FNDC3B: variants seen among roughly 807,000 people sequenced by gnomAD.
FNDC3B encodes the protein fibronectin type III domain containing 3B, also known as fibronectin type III domain-containing protein 3B.
FNDC3B carries 12 observed loss-of-function variants against 151.5 expected under a neutral mutation model. The ratio of observed to expected loss-of-function variants is 0.08; its 90% CI spans 0.05 to 0.13. The LOEUF (loss-of-function observed/expected upper bound fraction) is 0.13. FNDC3B is among the 10% of genes least tolerant of loss of function. The pLI, the probability that FNDC3B is intolerant of heterozygous loss-of-function variation, is 1.00. For missense variants in FNDC3B, 1,214 were observed against 1,505.3 expected (o/e 0.81, Z 3.20); for synonymous variants, 528 against 549.0 (o/e 0.96, Z 0.54).
At chr3:172,373,852 A>T (rs1458771992) in intron 23 of FNDC3B, among the ~76,000 whole-genome samples, 1 of 152,212 alleles carries the variant, frequency 6.6e-6, no homozygotes, top group African/African-American at 2.4e-5. Flanking sequence ...CTGGGATGAA[A>T]GAGGAATTAT....
At chr3:172,121,394 C>T (rs868036985) in intron 2 of FNDC3B, among the ~76,000 whole-genome samples, 4 of 152,202 alleles carry the variant, frequency 2.6e-5, no homozygotes, top group African/African-American at 7.2e-5. Flanking sequence ...TGTTAGGACC[C>T]GTGTGGGTTT....
At chr3:172,181,404 A>AAC (rs1553769907) in intron 3 of FNDC3B, among the ~76,000 whole-genome samples, 5 of 145,924 alleles carry the variant, frequency 3.4e-5, no homozygotes, top group Non-Finnish European at 7.6e-5. Flanking sequence ...CCAAAAAAAA[A>AAC]AAAAAAAAAA....
intron 3 of FNDC3B, among the ~76,000 whole-genome samples, chr3:172,144,474 G>A (rs1445031138): frequency 1.3e-5 from 2 of 152,214 alleles, no homozygotes; most frequent in African/African-American, 4.8e-5. Flanking sequence ...CTGAAGGAGT[G>A]CATTCGTGGT....
intron 25 of FNDC3B, among the ~76,000 whole-genome samples, chr3:172,382,044 A>G (rs1377637149): frequency 6.6e-6 from 1 of 152,214 alleles, no homozygotes; most frequent in African/African-American, 2.4e-5. Flanking sequence ...AGGAATTGCC[A>G]CACTGTCTTC....
chr3:172,078,437 C>T (rs560651877), intron 1 of FNDC3B, among the ~76,000 whole-genome samples: 3 of 152,196 alleles, frequency 2.0e-5, no homozygotes, highest in East Asian at 1.9e-4. Context: ...CTGTAAGTGG[C>T]GTCTTGTGGT....
At chr3:172,204,359 A>G (rs1725318099) in intron 3 of FNDC3B, among the ~76,000 whole-genome samples, 1 of 152,198 alleles carries the variant, frequency 6.6e-6, no homozygotes, top group African/African-American at 2.4e-5. Flanking sequence ...ATTTGTGGCC[A>G]AGTTTTCATA....
At chr3:172,099,595 T>A (rs1165509329) in intron 1 of FNDC3B, among the ~76,000 whole-genome samples, 2 of 152,170 alleles carry the variant, frequency 1.3e-5, no homozygotes, top group African/African-American at 4.8e-5. Context: ...TCTCCTGTAC[T>A]CTGCTGACAG....
At chr3:172,142,938 G>A (rs1480574620) in intron 3 of FNDC3B, among the ~76,000 whole-genome samples, 3 of 152,106 alleles carry the variant, frequency 2.0e-5, no homozygotes, top group Non-Finnish European at 4.4e-5. Context: ...GTGTCCTCAC[G>A]TGGCTGAAAG....
intron 11 of FNDC3B, among the ~76,000 whole-genome samples, chr3:172,311,559 C>G (rs948345772): frequency 6.6e-6 from 1 of 152,052 alleles, no homozygotes; most frequent in African/African-American, 2.4e-5. Flanking sequence ...GACCTAGAAG[C>G]CTTTCATTTC....
At chr3:172,143,033 C>T (rs1356284808) in intron 3 of FNDC3B, among the ~76,000 whole-genome samples, 1 of 152,070 alleles carries the variant, frequency 6.6e-6, no homozygotes, top group Non-Finnish European at 1.5e-5. Flanking sequence ...CCAGTCACCC[C>T]TTCTAGTACC....
In FNDC3B at chr3:172,397,521, C is replaced by T. The variant is rs1736350503; in HGVS notation, c.*46C>T. The T allele has an allele frequency of 3.2e-6, 4 of 1,254,494 alleles. No individual in the cohort carries two copies. The highest frequency in any genetic ancestry group is 1.5e-5 in the African/African-American group (1 of 66,892). 77.7% of individuals were successfully genotyped at this position (1,254,494 alleles called of 1,614,324 possible). A position where few individuals can be genotyped will look rare whatever the true frequency, so the allele number is the denominator to read the frequency against. On this transcript the variant is annotated 3_prime_UTR_variant, in exon 26 of 26. Transcript: ENST00000415807. ...TGAATTAATGCTACACATTTTAATA[C>T]ACACATTTATTCAGATACTCCCCTT...
At chr3:172,268,520 C>T (rs565631135) in intron 6 of FNDC3B, among the ~76,000 whole-genome samples, 41 of 152,132 alleles carry the variant, frequency 2.7e-4, no homozygotes, top group Non-Finnish European at 5.1e-4. Context: ...TGACAGAGAA[C>T]GGCAGATACA....
chr3:172,174,980 T>C (rs1019232966), intron 3 of FNDC3B, among the ~76,000 whole-genome samples: 28 of 112,024 alleles, frequency 2.5e-4, no homozygotes, highest in Admixed American at 3.9e-4. Context: ...TCCCATGTCC[T>C]AGTTTCCTCT....
At position 172,397,748 on chromosome 3, in the gene FNDC3B, T is replaced by G. The variant is rs1032170451; in HGVS notation, c.*273T>G. On this transcript the variant is annotated 3_prime_UTR_variant, in exon 26 of 26. Transcript: ENST00000415807. ...TAGCTTTCTTATGTTTTCCTTTAAA[T>G]TTTCAGATTTACCTTCATTCTGTTT... 1 of 223,288 alleles carries G rather than the reference T, an allele frequency of 4.5e-6. No homozygotes were observed. Among genetic ancestry groups the G allele is most frequent in the African/African-American group, 2.3e-5 (1 of 43,910 alleles). The allele number at this position is 223,288 out of a possible 1,614,324, so 13.8% of individuals were successfully genotyped here.
intron 3 of FNDC3B, among the ~76,000 whole-genome samples, chr3:172,174,523 T>G (rs549325802): frequency 3.3e-5 from 5 of 152,374 alleles, no homozygotes; most frequent in African/African-American, 9.6e-5. Context: ...ATAAACAATT[T>G]GTTAATTGCA....
At chr3:172,125,626 A>C (rs1462472906) in intron 2 of FNDC3B, among the ~76,000 whole-genome samples, 1 of 152,210 alleles carries the variant, frequency 6.6e-6, no homozygotes. Context: ...AGACTAAAGA[A>C]ATTTAAAACC....
At chr3:172,373,381 A>T (rs1430054995) in intron 23 of FNDC3B, among the ~76,000 whole-genome samples, 2 of 152,202 alleles carry the variant, frequency 1.3e-5, no homozygotes, top group Non-Finnish European at 2.9e-5. Context: ...CCTGTGGTGC[A>T]TAAGCAGGTG....
At chr3:172,276,973 G>A (rs1308540945) in intron 6 of FNDC3B, among the ~76,000 whole-genome samples, 1 of 152,172 alleles carries the variant, frequency 6.6e-6, no homozygotes, top group East Asian at 1.9e-4. Flanking sequence ...AATTTAACAT[G>A]GATTTTAATC....
intron 3 of FNDC3B, among the ~76,000 whole-genome samples, chr3:172,216,459 G>GAGT (rs1725980238): frequency 6.6e-6 from 1 of 152,110 alleles, no homozygotes; most frequent in Admixed American, 6.5e-5. Flanking sequence ...TTGAGGCCAG[G>GAGT]AGTTGAAGGC....
Sources: allele counts gnomAD v4.1 joint callset (sites outside exome capture counted in the v4.1 genomes callset), GRCh38; gene constraint gnomAD v4.1.1; transcripts MANE v1.5; gene names NCBI Gene and HGNC (gene_info 2026-07-23, HGNC 2026-07-21).